Variants in HRK observed in about 807,000 individuals in gnomAD.
The protein encoded by HRK is harakiri, BCL2 interacting protein.
In HRK, 6 loss-of-function variants were observed where a neutral mutation model predicts 5.9. The ratio of observed to expected loss-of-function variants is 1.02; its 90% CI spans 0.56 to 2.01. The LOEUF is 2.01. Ranked by LOEUF, HRK falls within the 30% of genes most tolerant of loss-of-function variation. The pLI is 0.00. For synonymous variants in HRK, 85 were observed against 65.1 expected (o/e 1.31, Z -1.47); for missense variants, 133 against 128.3 (o/e 1.04, Z -0.18).
At chr12:116,861,824 A>G (rs915797122) in intron 1 of HRK, among the ~76,000 whole-genome samples, 5 of 152,250 alleles carry the variant, frequency 3.3e-5, no homozygotes, top group African/African-American at 1.2e-4. Context: ...AATTCAGAAC[A>G]GGACCTTCCT....
In HRK at chr12:116,881,194, C is replaced by T; in HGVS notation, c.114G>A (p.Lys38=). The part of the protein sequence containing the change: ...SAAQLTAARL[K]ALGDELHQRT... ...GCTGGTGCAGCTCGTCGCCTAGCGC[C>T]TTGAGCCGGGCGGCGGTGAGCTGCG... Residue 38 remains lysine, a synonymous_variant, in exon 1 of 2, where the codon AAG becomes AAA. Transcript: ENST00000257572. 1.7e-6 allele frequency: 2 copies of T among 1,145,056 alleles called. No homozygotes were observed. The highest frequency in any genetic ancestry group is 2.1e-6 in the Non-Finnish European group (2 of 933,670). The allele number at this position is 1,145,056 out of a possible 1,614,324, so 70.9% of individuals were successfully genotyped here.
intron 1 of HRK, among the ~76,000 whole-genome samples, chr12:116,877,304 C>G (rs1408655470): frequency 6.6e-6 from 1 of 151,758 alleles, no homozygotes; most frequent in Non-Finnish European, 1.5e-5. Flanking sequence ...GATCCGCCCA[C>G]CTTGGCCTCC....
Position 116,856,418 on chromosome 12 carries a change from G to C in HRK, c.*5105C>G, listed in dbSNP as rs1878148629. On this transcript the variant is annotated 3_prime_UTR_variant, in exon 2 of 2. Transcript: ENST00000257572. This position sits in a 1 kb window ranked among gnomAD's most constrained non-coding sequence, Gnocchi z 4.4. Reference sequence around the variant, plus strand: ...CAGGAGAAGAAACTTGGGAGTTCAGGTTGGAGAAGAGGGTAGAAAGGAGGT... The same window carrying C: ...CAGGAGAAGAAACTTGGGAGTTCAGCTTGGAGAAGAGGGTAGAAAGGAGGT... 6.6e-6 allele frequency: 1 copy of C among 152,276 alleles called. No individual in the cohort carries two copies. Among genetic ancestry groups the C allele is most frequent in the African/African-American group, 2.4e-5 (1 of 41,452 alleles). The allele number at this position is 152,276 out of a possible 1,614,324, so 9.4% of individuals were successfully genotyped here.
At chr12:116,861,829 C>G (rs1301850575) in intron 1 of HRK, among the ~76,000 whole-genome samples, 1 of 152,178 alleles carries the variant, frequency 6.6e-6, no homozygotes, top group Non-Finnish European at 1.5e-5. Flanking sequence ...AGAACAGGAC[C>G]TTCCTCGATT....
intron 1 of HRK, among the ~76,000 whole-genome samples, chr12:116,877,783 G>C (rs1878989619): frequency 6.6e-6 from 1 of 152,184 alleles, no homozygotes; most frequent in Non-Finnish European, 1.5e-5. Flanking sequence ...GGAAAACTTA[G>C]TCTTGGGTTT....
rs186249611 is a variant in HRK, at chr12:116,875,612, C to T, written c.*56+5364G>A. ...AGGCTAGAGTACAGTGGCGCGATCT[C>T]GGCTCACTGCAACCTCCGCCTCCTG... On this transcript the variant is annotated intron_variant, in intron 1 of 1. Transcript: ENST00000257572. Among the ~76,000 whole-genome samples, 21 of 152,226 alleles carry T rather than the reference C, an allele frequency of 1.4e-4. 1 individual carries two copies. The highest frequency in any genetic ancestry group is 1.2e-3 in the East Asian group (6 of 5,184).
intron 1 of HRK, among the ~76,000 whole-genome samples, chr12:116,872,189 T>C (rs1402110783): frequency 1.3e-5 from 2 of 152,098 alleles, no homozygotes; most frequent in Non-Finnish European, 2.9e-5. Flanking sequence ...GCCAATGTAG[T>C]GAAACTCTGT....
At position 116,861,416 on chromosome 12, in the gene HRK, C is replaced by A. The variant is rs1245035448; in HGVS notation, c.*107G>T. On this transcript the variant is annotated 3_prime_UTR_variant, in exon 2 of 2. Transcript: ENST00000257572. The stretch of plus-strand genomic sequence containing the variant: ...CGGCCTTTCAAGCTCTGGGCTCCCC[C>A]TCTGGAAAACGGGAACCAGCTTTCT... 6.6e-6 allele frequency: 1 copy of A among 152,224 alleles called. No homozygotes were observed. The highest frequency in any genetic ancestry group is 6.5e-5 in the Admixed American group (1 of 15,272). 9.4% of individuals were successfully genotyped at this position (152,224 alleles called of 1,614,324 possible). A position where few individuals can be genotyped will look rare whatever the true frequency, so the allele number is the denominator to read the frequency against.
Position 116,881,418 on chromosome 12 carries a change from A to G in HRK, c.-111T>C. ...CAGCCGCCGGGGGCCTCCCCTGGAC[A>G]CCAAGTTTCTCCTTGTGTTGTGCGT... On this transcript the variant is annotated 5_prime_UTR_variant, in exon 1 of 2. Coordinates refer to ENST00000257572, the MANE Select transcript of HRK (RefSeq NM_003806.4). 1 of 907,390 alleles carries G rather than the reference A, an allele frequency of 1.1e-6. No individual in the cohort carries two copies. The highest frequency in any genetic ancestry group is 1.8e-5 in the African/African-American group (1 of 55,066). 56.2% of individuals were successfully genotyped at this position (907,390 alleles called of 1,614,324 possible).
chr12:116,876,459 A>G (rs571849435), intron 1 of HRK, among the ~76,000 whole-genome samples: 1 of 152,324 alleles, frequency 6.6e-6, no homozygotes, highest in African/African-American at 2.4e-5. Context: ...TCATTAATTC[A>G]TTAAAGCAGG....
Position 116,857,223 on chromosome 12 carries a change from T to C in HRK, c.*4300A>G. Reference sequence around the variant, plus strand: ...CCCTCCACCATCCACAAGTCAAGTCTCTTCTGAGATGGAATTCTACAACTG... The same window carrying C: ...CCCTCCACCATCCACAAGTCAAGTCCCTTCTGAGATGGAATTCTACAACTG... On this transcript the variant is annotated 3_prime_UTR_variant, in exon 2 of 2. Coordinates refer to ENST00000257572, the MANE Select transcript of HRK (RefSeq NM_003806.4). 1 of 152,224 alleles carries C rather than the reference T, an allele frequency of 6.6e-6. No homozygotes were observed. The highest frequency in any genetic ancestry group is 2.1e-4 in the South Asian group (1 of 4,836). The allele number at this position is 152,224 out of a possible 1,614,324, so 9.4% of individuals were successfully genotyped here.
At chr12:116,870,019 G>T (rs1362551597) in intron 1 of HRK, among the ~76,000 whole-genome samples, 8 of 152,170 alleles carry the variant, frequency 5.3e-5, no homozygotes, top group Admixed American at 4.6e-4. Flanking sequence ...GGCAGAGGTT[G>T]CAGTGAGCCA....
chr12:116,865,069 A>G (rs868120771), intron 1 of HRK, among the ~76,000 whole-genome samples: 2 of 152,154 alleles, frequency 1.3e-5, no homozygotes, highest in Non-Finnish European at 2.9e-5. Context: ...TGAACCCACA[A>G]GGTCCTGCCT....
Position 116,881,242 on chromosome 12 carries a change from G to T in HRK, c.66C>A (p.Arg22=), listed in dbSNP as rs1879144704. 1.8e-6 allele frequency: 2 copies of T among 1,099,452 alleles called. No individual in the cohort carries two copies. The highest frequency in any genetic ancestry group is 2.2e-6 in the Non-Finnish European group (2 of 905,342). 68.1% of individuals were successfully genotyped at this position (1,099,452 alleles called of 1,614,324 possible). A position where few individuals can be genotyped will look rare whatever the true frequency, so the allele number is the denominator to read the frequency against. Reference sequence around the variant, plus strand: ...GCGCGGCGGACGAGCGCAGCCCCAGGCGACCCGCGCTGCAGGCGCACACGG... The same window carrying T: ...GCGCGGCGGACGAGCGCAGCCCCAGTCGACCCGCGCTGCAGGCGCACACGG... ...PPAVCACSAG[R]LGLRSSAAQL... The change falls in exon 1 of 2, where the codon CGC becomes CGA. Residue 22 remains arginine (R), a synonymous_variant. Coordinates refer to ENST00000257572, the MANE Select transcript of HRK (RefSeq NM_003806.4).
chr12:116,868,015 A>T (rs1449224302), intron 1 of HRK, among the ~76,000 whole-genome samples: 1 of 152,164 alleles, frequency 6.6e-6, no homozygotes, highest in Non-Finnish European at 1.5e-5. Flanking sequence ...GGTTTCTGAC[A>T]TTCATCTCCA....
intron 1 of HRK, among the ~76,000 whole-genome samples, chr12:116,865,816 G>A (rs1241004338): frequency 6.6e-5 from 10 of 152,134 alleles, no homozygotes; most frequent in African/African-American, 2.2e-4. Context: ...CGTATACTAG[G>A]CGCTCAATTC....
rs1878317764 is a variant in HRK at position 116,860,431 on chromosome 12, A to G, written c.*1092T>C. 6.6e-6 allele frequency: 1 copy of G among 152,338 alleles called. No individual in the cohort carries two copies. Among genetic ancestry groups the G allele is most frequent in the African/African-American group, 2.4e-5 (1 of 41,578 alleles). The allele number at this position is 152,338 out of a possible 1,614,324, so 9.4% of individuals were successfully genotyped here. ...TATAAATCATCTTTGAACAGAATGT[A>G]GCCATTTCTTGGCTCTTTAATCCAT... On this transcript the variant is annotated 3_prime_UTR_variant, in exon 2 of 2. Coordinates refer to ENST00000257572, the MANE Select transcript of HRK (RefSeq NM_003806.4).
rs1421910154 is a variant in HRK, at chr12:116,862,594, G to A, written c.*57-1128C>T. Among the ~76,000 whole-genome samples, 1 of 152,172 alleles carries A rather than the reference G, an allele frequency of 6.6e-6. No individual in the cohort carries two copies. The highest frequency in any genetic ancestry group is 6.5e-5 in the Admixed American group (1 of 15,280). ...AGGAATTGGGGAGTGATACTCATGC[G>A]CATGGGGTTTCTTTCAGGGAAACGA... is the stretch of plus-strand genomic sequence containing the variant. On this transcript the variant is annotated intron_variant, in intron 1 of 1. Coordinates refer to ENST00000257572, the MANE Select transcript of HRK (RefSeq NM_003806.4). This position sits in a 1 kb window ranked among gnomAD's most constrained non-coding sequence, Gnocchi z 4.0.
intron 1 of HRK, among the ~76,000 whole-genome samples, chr12:116,865,481 C>T (rs937858092): frequency 6.6e-6 from 1 of 152,136 alleles, no homozygotes; most frequent in Non-Finnish European, 1.5e-5. Flanking sequence ...GAGCTGAGAT[C>T]ATGCCTCTGC....
Sources: gnomAD v4.1 joint callset for allele counts (sites outside exome capture counted in the v4.1 genomes callset) on GRCh38, gnomAD v4.1.1 for gene constraint, Gnocchi (gnomAD v3.1) non-coding constraint, MANE v1.5 for transcripts, NCBI Gene and HGNC (gene_info 2026-07-23, HGNC 2026-07-21) for gene names.